The following PAIP2 variants were observed in gnomAD, a reference collection of about 807,000 sequenced individuals.
PAIP2 encodes poly(A) binding protein interacting protein 2.
A neutral mutation model predicts 14.8 loss-of-function variants in PAIP2; 7 were observed. The observed-to-expected ratio is 0.47, with a 90% confidence interval of 0.27 to 0.89. The LOEUF (loss-of-function observed/expected upper bound fraction) is 0.89, where lower values mean the gene tolerates loss of function less well. Among genes scored for constraint, PAIP2 ranks in the 40% least tolerant of loss-of-function variants. The pLI, the probability that PAIP2 is intolerant of heterozygous loss-of-function variation, is 0.13. For synonymous variants in PAIP2, 47 were observed against 45.3 expected (o/e 1.04, Z -0.15); for missense variants, 122 against 154.7 (o/e 0.79, Z 1.12).
intron 1 of PAIP2, among the ~76,000 whole-genome samples, chr5:139,355,431 C>T (rs1433483295): frequency 6.6e-6 from 1 of 152,158 alleles, no homozygotes; most frequent in Non-Finnish European, 1.5e-5. Context: ...CTTGGCCTCT[C>T]AAAGTGCTGG....
chr5:139,352,815 G>C (rs1179244576), intron 1 of PAIP2, among the ~76,000 whole-genome samples: 1 of 151,332 alleles, frequency 6.6e-6, no homozygotes, highest in African/African-American at 2.4e-5. Context: ...ATGAGCCAAA[G>C]ATAAGATAGT....
chr5:139,358,274 A>G (rs1756974006), intron 1 of PAIP2, among the ~76,000 whole-genome samples: 1 of 152,370 alleles, frequency 6.6e-6, no homozygotes, highest in Non-Finnish European at 1.5e-5. Flanking sequence ...CTACATCCAC[A>G]GGACTTGTGA....
chr5:139,360,625 T>C (rs1757040697), intron 1 of PAIP2, among the ~76,000 whole-genome samples: 2 of 152,100 alleles, frequency 1.3e-5, no homozygotes, highest in Non-Finnish European at 2.9e-5. Flanking sequence ...CCCAAGTAGC[T>C]GGGACTGCAG....
intron 1 of PAIP2, among the ~76,000 whole-genome samples, chr5:139,358,785 C>A (rs1402532585): frequency 6.6e-6 from 1 of 152,088 alleles, no homozygotes; most frequent in Non-Finnish European, 1.5e-5. Flanking sequence ...TTTATGATTC[C>A]ATTTATATGC....
At chr5:139,352,329 C>T (rs1027313788) in intron 1 of PAIP2, among the ~76,000 whole-genome samples, 6 of 151,726 alleles carry the variant, frequency 4.0e-5, no homozygotes, top group South Asian at 4.1e-4. Context: ...GTTATGAAGA[C>T]GTGTTATCTC....
chr5:139,356,093 G>A (rs866861682), intron 1 of PAIP2, among the ~76,000 whole-genome samples: 3 of 151,120 alleles, frequency 2.0e-5, no homozygotes, highest in Admixed American at 1.3e-4. Context: ...AGCTGAGATC[G>A]TGCCATTGCA....
At chr5:139,363,206 A>C (rs1757123170) in intron 1 of PAIP2, among the ~76,000 whole-genome samples, 1 of 152,066 alleles carries the variant, frequency 6.6e-6, no homozygotes, top group African/African-American at 2.4e-5. Context: ...ATGCCACTGC[A>C]TTCCAGCCTG....
intron 1 of PAIP2, among the ~76,000 whole-genome samples, chr5:139,357,032 T>TTG (rs1756937114): frequency 6.6e-6 from 1 of 152,200 alleles, no homozygotes; most frequent in Non-Finnish European, 1.5e-5. Context: ...TGTATTCTTT[T>TTG]TGTGTGTGTG....
intron 1 of PAIP2, among the ~76,000 whole-genome samples, chr5:139,357,952 A>G (rs373768041): frequency 1.3e-5 from 2 of 152,232 alleles, no homozygotes; most frequent in Non-Finnish European, 2.9e-5. Context: ...AAAATACCAC[A>G]GAGGTGTTTT....
Position 139,352,488 on chromosome 5 carries a change from G to GTTTTTTTTTTTTTTTTT in PAIP2, c.-27+10518_-27+10519insTTTTTTTTTTTTTTTTT, listed in dbSNP as rs1185620394. On this transcript the variant is annotated intron_variant, in intron 1 of 3. Transcript: ENST00000265192. ...TGGCTTTCTCAGTTAATTCCTGCCA[G>GTTTTTTTTTTTTTTTTT]TTTTTTTTTTGTTGTTTTTTTTTTT... Among the ~76,000 whole-genome samples the GTTTTTTTTTTTTTTTTT allele has an allele frequency of 4.2e-4, 40 of 94,810 alleles. 1 individual carries two copies. Among genetic ancestry groups the GTTTTTTTTTTTTTTTTT allele is most frequent in the African/African-American group, 1.1e-3 (35 of 31,588 alleles). The allele number at this position is 94,810 out of a possible 152,430, so 62.2% of individuals were successfully genotyped here. A position where few individuals can be genotyped will look rare whatever the true frequency, so the allele number is the denominator to read the frequency against.
chr5:139,349,240 CTGTTGT>C (rs369569286), intron 1 of PAIP2, among the ~76,000 whole-genome samples: 3 of 151,606 alleles, frequency 2.0e-5, no homozygotes, highest in Non-Finnish European at 4.4e-5. Flanking sequence ...TTGTTTTTTG[CTGTTGT>C]TGTTGTTGTT....
intron 1 of PAIP2, among the ~76,000 whole-genome samples, chr5:139,351,075 A>G (rs1756716510): frequency 6.6e-6 from 1 of 152,196 alleles, no homozygotes; most frequent in Non-Finnish European, 1.5e-5. Context: ...CTGTAAAGGA[A>G]AACAAATGTC....
At position 139,354,822 on chromosome 5, in the gene PAIP2, CT is replaced by C. The variant is rs113652416; in HGVS notation, c.-26-8921del. ...AGTAAATTTTTCATTTCAGTTGTAC[CT>C]TTTTTTTTTTTTTTTGAGATGGAGT... On this transcript the variant is annotated intron_variant, in intron 1 of 3. Coordinates refer to ENST00000265192, the MANE Select transcript of PAIP2 (RefSeq NM_016480.5). Among the ~76,000 whole-genome samples the C allele has an allele frequency of 5.7e-3, 799 of 139,384 alleles. 6 individuals carry two copies. Among genetic ancestry groups the C allele is most frequent in the Non-Finnish European group, 8.1e-3 (517 of 63,806 alleles). 91.4% of individuals were successfully genotyped at this position (139,384 alleles called of 152,430 possible). A position where few individuals can be genotyped will look rare whatever the true frequency, so the allele number is the denominator to read the frequency against.
chr5:139,353,706 A>T (rs1340187003), intron 1 of PAIP2, among the ~76,000 whole-genome samples: 1 of 148,362 alleles, frequency 6.7e-6, no homozygotes, highest in Non-Finnish European at 1.5e-5. Context: ...TAATTCTTAT[A>T]TTATGCATTG....
chr5:139,352,171 A>AG (rs1204727862), intron 1 of PAIP2, among the ~76,000 whole-genome samples: 1 of 147,952 alleles, frequency 6.8e-6, no homozygotes, highest in Non-Finnish European at 1.5e-5. Context: ...CAAAATCTGA[A>AG]AAAAAAAAAA....
chr5:139,352,305 G>A (rs1353633966), intron 1 of PAIP2, among the ~76,000 whole-genome samples: 1 of 151,694 alleles, frequency 6.6e-6, no homozygotes, highest in Non-Finnish European at 1.5e-5. Flanking sequence ...GTTTTTCTGA[G>A]TTAGTCTTGC....
intron 3 of PAIP2, among the ~76,000 whole-genome samples, 155 bp from the exon 4 acceptor site, chr5:139,368,578 C>CA (rs1383165091): frequency 1.3e-5 from 2 of 151,728 alleles, no homozygotes; most frequent in African/African-American, 4.8e-5. Flanking sequence ...ATATAGCTTA[C>CA]ATCTGGTTCT....
intron 1 of PAIP2, among the ~76,000 whole-genome samples, chr5:139,362,396 T>G (rs778230638): frequency 6.7e-6 from 1 of 149,414 alleles, no homozygotes; most frequent in Non-Finnish European, 1.5e-5. Flanking sequence ...AAATTTTTTG[T>G]TTTTGGGTGT....
chr5:139,368,341 TAAA>T (rs542780440), intron 3 of PAIP2, among the ~76,000 whole-genome samples: 1 of 141,300 alleles, frequency 7.1e-6, no homozygotes, highest in African/African-American at 2.6e-5. Flanking sequence ...CTCCGTCTCA[TAAA>T]AAAAAAACTA....
Sources: gnomAD v4.1 joint callset for allele counts (sites outside exome capture counted in the v4.1 genomes callset) on GRCh38, gnomAD v4.1.1 for gene constraint, MANE v1.5 for transcripts, NCBI Gene and HGNC (gene_info 2026-07-23, HGNC 2026-07-21) for gene names.